The following EFCAB5 variants were observed in gnomAD, a reference collection of about 807,000 sequenced individuals.
EFCAB5 encodes the protein EF-hand calcium-binding domain-containing protein 5.
In EFCAB5, 131 loss-of-function variants were observed where a neutral mutation model predicts 167.9. The ratio of observed to expected loss-of-function variants is 0.78; its 90% CI spans 0.68 to 0.90. EFCAB5 has a LOEUF of 0.90. Among genes scored for constraint, EFCAB5 ranks in the 40% least tolerant of loss-of-function variants. The pLI is 0.00. For synonymous variants in EFCAB5, 574 were observed against 602.8 expected, an observed-to-expected ratio of 0.95 and a Z score of 0.70; for missense variants, 1,663 against 1,745.2, an observed-to-expected ratio of 0.95 and a Z score of 0.84.
chr17:30,060,285 C>T (rs2070391672), intron 14 of EFCAB5, among the ~76,000 whole-genome samples: 1 of 151,976 alleles, frequency 6.6e-6, no homozygotes, highest in South Asian at 2.1e-4. Context: ...TCTGCTTGTT[C>T]TCTCTTCTTG....
intron 7 of EFCAB5, among the ~76,000 whole-genome samples, chr17:30,022,697 T>C (rs1330391257): frequency 1.3e-5 from 2 of 152,160 alleles, no homozygotes; most frequent in African/African-American, 2.4e-5. Context: ...ATTTAAAAGG[T>C]AGAATATACT....
chr17:29,941,982 ATGC>A, intron 1 of EFCAB5, 144 bp downstream of exon 1: 1 of 1,016,224 alleles, frequency 9.8e-7, no homozygotes. Context: ...TTTGACAGAA[ATGC>A]TGTAAAAGGG....
intron 1 of EFCAB5, among the ~76,000 whole-genome samples, chr17:29,935,580 G>A (rs1465873095): frequency 1.3e-5 from 2 of 151,794 alleles, no homozygotes; most frequent in African/African-American, 4.8e-5. Flanking sequence ...AACTCTACCA[G>A]TTATTTGCCA....
chr17:29,937,191 CTTTA>C (rs755362811), upstream of EFCAB5, among the ~76,000 whole-genome samples: 63 of 151,904 alleles, frequency 4.1e-4, no homozygotes, highest in Admixed American at 7.9e-4. Flanking sequence ...ACTCCTGCTT[CTTTA>C]TTTATTTATT....
Position 29,999,944 on chromosome 17 carries a change from G to A in EFCAB5, c.1012G>A (p.Glu338Lys), listed in dbSNP as rs1274458273. 1 of 1,583,372 alleles carries A rather than the reference G, an allele frequency of 6.3e-7. No individual in the cohort carries two copies. The highest frequency in any genetic ancestry group is 1.2e-5 in the South Asian group (1 of 86,262). Residue 338 changes from glutamate (E) to lysine (K), a missense_variant, in exon 7 of 23, where the codon GAA becomes AAA. Glu to Lys is a moderately conservative substitution (Grantham distance 56). Transcript: ENST00000394835. ...ACAACTGGATATTACTGACTCAACAGAACCAAGATTGAACAAAATGGAATT... is the reference window on the plus strand; with the variant it reads ...ACAACTGGATATTACTGACTCAACAAAACCAAGATTGAACAAAATGGAATT... ...CKQLDITDST[E>K]PRLNKMEFTE...
At chr17:29,972,618 G>A (rs574981181) in intron 4 of EFCAB5, 8 of 154,030 alleles carry the variant, frequency 5.2e-5, no homozygotes, top group African/African-American at 1.9e-4. Flanking sequence ...ATCCAGGAGT[G>A]GACCCTGGTC....
intron 1 of EFCAB5, among the ~76,000 whole-genome samples, chr17:29,931,473 C>A (rs1203414690): frequency 6.6e-6 from 1 of 152,186 alleles, no homozygotes. Context: ...CACTGAGGGT[C>A]CCTGTACTGT....
chr17:29,969,038 G>A lies in EFCAB5; in HGVS notation c.438G>A (p.Lys146=), dbSNP rs560991190. Residue 146 remains lysine (K), a synonymous_variant, in exon 4 of 23, where the codon AAG becomes AAA. Coordinates refer to ENST00000394835, the MANE Select transcript of EFCAB5 (RefSeq NM_198529.4). The part of the protein sequence containing the change: ...KENLKKELEK[K]AEKKLPRDNL... ...ATCTGAAGAAGGAACTAGAAAAAAA[G>A]GCTGAAAAAAAACTCCCTAGGGATA... 1.9e-6 allele frequency: 3 copies of A among 1,598,516 alleles called. No individual in the cohort carries two copies. Among genetic ancestry groups the A allele is most frequent in the East Asian group, 2.2e-5 (1 of 44,732 alleles).
chr17:30,053,231 T>G, intron 9 of EFCAB5, 24 bp from the exon 10 acceptor site: 3 of 1,561,048 alleles, frequency 1.9e-6, no homozygotes, highest in Non-Finnish European at 2.6e-6. Context: ...ATGGTTTAAG[T>G]GAATATTTTG....
chr17:30,031,996 C>A, intron 7 of EFCAB5: 1 of 151,864 alleles, frequency 6.6e-6, no homozygotes, highest in South Asian at 2.1e-4. Flanking sequence ...GCCACTGCAC[C>A]ATTGCACTCC....
chr17:29,999,981 G>C lies in EFCAB5; in HGVS notation c.1044+5G>C, dbSNP rs764366409. ...AACAAAATGGAATTTACAGAAGTAAGAGTTACATTATTTAATGTTTGAATT... is the reference window on the plus strand; with the variant it reads ...AACAAAATGGAATTTACAGAAGTAACAGTTACATTATTTAATGTTTGAATT... On this transcript the variant is annotated splice_donor_5th_base_variant and intron_variant, in intron 7 of 22. Transcript: ENST00000394835. 1 of 1,548,076 alleles carries C rather than the reference G, an allele frequency of 6.5e-7. No homozygotes were observed. Among genetic ancestry groups the C allele is most frequent in the Admixed American group, 1.9e-5 (1 of 52,862 alleles).
chr17:30,069,330 T>C, intron 14 of EFCAB5: 1 of 1,551,950 alleles, frequency 6.4e-7, no homozygotes, highest in East Asian at 2.2e-5. Flanking sequence ...ATACAAATGT[T>C]TGAACAGGAA....
chr17:30,034,110 A>T, intron 7 of EFCAB5, 120 bp from the exon 8 acceptor site: 2 of 1,241,458 alleles, frequency 1.6e-6, no homozygotes, highest in Non-Finnish European at 2.2e-6. Flanking sequence ...AGTGATAAGC[A>T]AATCATATGG....
intron 4 of EFCAB5, among the ~76,000 whole-genome samples, chr17:29,983,849 A>G (rs1356716760): frequency 2.0e-5 from 3 of 152,150 alleles, no homozygotes; most frequent in African/African-American, 4.8e-5. Flanking sequence ...ATGGACATCA[A>G]TAAATGGGAG....
intron 22 of EFCAB5, among the ~76,000 whole-genome samples, chr17:30,102,050 G>A (rs1413110855): frequency 6.6e-6 from 1 of 152,188 alleles, no homozygotes; most frequent in East Asian, 1.9e-4. Context: ...ACCACACCAA[G>A]GGAGGAATTG....
intron 10 of EFCAB5, among the ~76,000 whole-genome samples, chr17:30,055,491 G>A (rs2070234290): frequency 6.6e-6 from 1 of 152,156 alleles, no homozygotes; most frequent in African/African-American, 2.4e-5. Flanking sequence ...GAAGGAAAAA[G>A]AAATTCATGC....
intron 3 of EFCAB5, among the ~76,000 whole-genome samples, chr17:29,948,331 C>T (rs1449217008): frequency 1.3e-5 from 2 of 152,184 alleles, no homozygotes; most frequent in East Asian, 3.8e-4. Flanking sequence ...CTTCTACTTT[C>T]AATTTCTCTT....
intron 7 of EFCAB5, among the ~76,000 whole-genome samples, chr17:30,022,305 C>T (rs184237258): frequency 1.2e-4 from 18 of 152,142 alleles, no homozygotes; most frequent in East Asian, 9.6e-4. Context: ...TTTATTTCCC[C>T]GTCTGAGGGT....
intron 7 of EFCAB5, among the ~76,000 whole-genome samples, chr17:30,002,727 T>C (rs2068689373): frequency 6.6e-6 from 1 of 152,212 alleles, no homozygotes; most frequent in Admixed American, 6.5e-5. Context: ...ATTTCTTCTA[T>C]AGCCATTCTT....
Sources: allele counts gnomAD v4.1 joint callset (sites outside exome capture counted in the v4.1 genomes callset), GRCh38; gene constraint gnomAD v4.1.1; transcripts MANE v1.5; gene names NCBI Gene and HGNC (gene_info 2026-07-23, HGNC 2026-07-21).